The following PLXNB2 variants were observed in gnomAD, a reference collection of about 807,000 sequenced individuals.
The protein encoded by PLXNB2 is plexin B2.
A neutral mutation model predicts 202.6 loss-of-function variants in PLXNB2; 85 were observed. The ratio of observed to expected loss-of-function variants is 0.42; its 90% confidence interval spans 0.35 to 0.50. The LOEUF (loss-of-function observed/expected upper bound fraction) is 0.50. Among genes scored for constraint, PLXNB2 ranks in the 20% least tolerant of loss-of-function variants. The pLI, the probability that PLXNB2 is intolerant of heterozygous loss-of-function variation, is 0.02. For missense variants in PLXNB2, 2,063 were observed against 2,586.2 expected, an observed-to-expected ratio of 0.80 and a Z score of 4.39; for synonymous variants, 1,239 against 1,137.6, an observed-to-expected ratio of 1.09 and a Z score of -1.79.
intron 1 of PLXNB2, chr22:50,301,528 CT>C: frequency 2.5e-6 from 1 of 407,394 alleles, no homozygotes; most frequent in Non-Finnish European, 3.3e-6. Flanking sequence ...CACTTGGAGT[CT>C]CTCCTGAAAG....
Position 50,285,903 on chromosome 22 carries a change from TG to T in PLXNB2, c.1987-3del. On this transcript the variant is annotated splice_region_variant and splice_polypyrimidine_tract_variant and intron_variant, in intron 10 of 36. Transcript: ENST00000359337. ...CAGGAACTGGGGACAGCTGTCCTCCTGGGAGAGTAAGGCTGGTCAGGTGCTG... is the reference window on the plus strand; with the variant it reads ...CAGGAACTGGGGACAGCTGTCCTCCTGGAGAGTAAGGCTGGTCAGGTGCTG... 1.2e-6 allele frequency: 2 copies of T among 1,611,234 alleles called. No individual in the cohort carries two copies. Among genetic ancestry groups the T allele is most frequent in the Non-Finnish European group, 1.7e-6 (2 of 1,178,546 alleles).
intron 1 of PLXNB2, 77 bp from the exon 2 acceptor site, chr22:50,294,855 G>T: frequency 2.7e-6 from 2 of 744,458 alleles, no homozygotes; most frequent in Non-Finnish European, 3.3e-6. Flanking sequence ...GTCCCATGCT[G>T]GTGGGGCTTG....
Position 50,285,000 on chromosome 22 carries a change from C to T in PLXNB2, c.2089-335G>A. ...GCACTGGCCCCTCAATCTCCACACG[C>T]CTGCCTCCTCCACTGCCTCTCTTCA... On this transcript the variant is annotated intron_variant, in intron 11 of 36. Transcript: ENST00000359337. The surrounding 1 kb of genome is among the most constrained non-coding windows in gnomAD (Gnocchi z 8.0). 2 of 455,176 alleles carry T rather than the reference C, an allele frequency of 4.4e-6. No individual in the cohort carries two copies. Among genetic ancestry groups the T allele is most frequent in the Admixed American group, 5.4e-5 (2 of 37,224 alleles). 28.2% of individuals were successfully genotyped at this position (455,176 alleles called of 1,614,324 possible). A position where few individuals can be genotyped will look rare whatever the true frequency, so the allele number is the denominator to read the frequency against.
chr22:50,301,629 G>A (rs772962393), intron 1 of PLXNB2, among the ~76,000 whole-genome samples: 2 of 150,638 alleles, frequency 1.3e-5, no homozygotes, highest in South Asian at 2.1e-4. Flanking sequence ...GCTCAACCCC[G>A]CAGCAGCCGG....
intron 6 of PLXNB2, 32 bp from the exon 7 acceptor site, chr22:50,287,825 G>A: frequency 2.5e-6 from 4 of 1,595,678 alleles, no homozygotes; most frequent in Non-Finnish European, 3.4e-6. Context: ...TCAGCCCAGG[G>A]TGGAGTCTTG....
rs932240427 is a variant in PLXNB2, at chr22:50,297,148, C to T, written c.-73-2370G>A. 2.0e-5 allele frequency among the ~76,000 whole-genome samples: 3 copies of T among 152,182 alleles called. No homozygotes were observed. The highest frequency in any genetic ancestry group is 7.2e-5 in the African/African-American group (3 of 41,438). ...GGGGACTGGAGACTGCAGCTCCCGACGGAGGTGGCAGCCATGGCGGTGGCA... is the reference window on the plus strand; with the variant it reads ...GGGGACTGGAGACTGCAGCTCCCGATGGAGGTGGCAGCCATGGCGGTGGCA... On this transcript the variant is annotated intron_variant, in intron 1 of 36. Coordinates refer to ENST00000359337, the MANE Select transcript of PLXNB2 (RefSeq NM_012401.4). This position sits in a 1 kb window ranked among gnomAD's most constrained non-coding sequence, Gnocchi z 5.3.
At position 50,289,237 on chromosome 22, in the gene PLXNB2, C is replaced by T; in HGVS notation, c.1069-95G>A. 1.7e-6 allele frequency: 2 copies of T among 1,170,418 alleles called. No individual in the cohort carries two copies. Among genetic ancestry groups the T allele is most frequent in the South Asian group, 1.6e-5 (1 of 63,168 alleles). 72.5% of individuals were successfully genotyped at this position (1,170,418 alleles called of 1,614,324 possible). A position where few individuals can be genotyped will look rare whatever the true frequency, so the allele number is the denominator to read the frequency against. ...AGACTCGGGACAGGCCCTTCCCTTC[C>T]CTCCGGCACACGTCCTACACACGTC... On this transcript the variant is annotated intron_variant, in intron 3 of 36. Transcript: ENST00000359337. This position sits in a 1 kb window ranked among gnomAD's most constrained non-coding sequence, Gnocchi z 8.0.
At position 50,277,614 on chromosome 22, in the gene PLXNB2, G is replaced by A. The variant is rs1466941704; in HGVS notation, c.5173C>T (p.Arg1725Cys). Reference sequence around the variant, plus strand: ...ACGCGGCTCAGCTTATGCTCCGTGCGCGTGCAGGCATCCATGAAGGTCTGC... The same window carrying A: ...ACGCGGCTCAGCTTATGCTCCGTGCACGTGCAGGCATCCATGAAGGTCTGC... ...IAQTFMDACT[R>C]TEHKLSRDSP... The change falls in exon 33 of 37, where the codon CGC becomes TGC. Residue 1725 changes from arginine (R) to cysteine (C), a missense_variant. Arg to Cys is a radical substitution (Grantham distance 180, BLOSUM62 -3). Around this residue, in one of 2 missense-constraint regions of PLXNB2, gnomAD observed 760 missense variants for 1,109.4 expected, o/e 0.69. Coordinates refer to ENST00000359337, the MANE Select transcript of PLXNB2 (RefSeq NM_012401.4). 21 of 1,595,784 alleles carry A rather than the reference G, an allele frequency of 1.3e-5. No individual in the cohort carries two copies. The highest frequency in any genetic ancestry group is 1.5e-5 in the Non-Finnish European group (17 of 1,168,806).
rs1267280267 is a variant in PLXNB2, at chr22:50,280,834, C to T, written c.3903G>A (p.Lys1301=). 2.5e-6 allele frequency: 4 copies of T among 1,613,260 alleles called. No homozygotes were observed. Among genetic ancestry groups the T allele is most frequent in the Non-Finnish European group, 3.4e-6 (4 of 1,179,946 alleles). Residue 1301 remains lysine, a synonymous_variant, in exon 24 of 37, where the codon AAG becomes AAA. Transcript: ENST00000359337. ...DGDKDVMITG[K]LDIPEPRRPV... ...GCCGCCGCGGCTCAGGGATGTCCAG[C>T]TTGCCGGTGATCATCACGTCCTTGT...
chr22:50,303,696 AG>A (rs2147728046), intron 1 of PLXNB2, among the ~76,000 whole-genome samples: 1 of 152,342 alleles, frequency 6.6e-6, no homozygotes, highest in South Asian at 2.1e-4. Flanking sequence ...GTCTCCACAC[AG>A]GGCCCCCCAT....
At position 50,280,015 on chromosome 22, in the gene PLXNB2, T is replaced by G. The variant is rs2065877859; in HGVS notation, c.4232A>C (p.Gln1411Pro). The change falls in exon 26 of 37, where the codon CAG becomes CCG. Residue 1411 changes from glutamine (Q) to proline (P), a missense_variant. Gln to Pro is a moderately conservative substitution (Grantham distance 76, BLOSUM62 -1). This residue lies in a region of PLXNB2 where 760 missense variants were observed against 1,109.4 expected (regional missense o/e 0.69). Coordinates refer to ENST00000359337, the MANE Select transcript of PLXNB2 (RefSeq NM_012401.4). ...TGGGGTGGAACCCACCTTGAGGTAC[T>G]GGTACAGGCAGATGGACATCCAGTT... ...LSNWMSICLY[Q>P]YLKDSAGEPL... is the part of the protein sequence containing the mutation. The G allele has an allele frequency of 6.2e-7, 1 of 1,607,426 alleles. No individual in the cohort carries two copies. The highest frequency in any genetic ancestry group is 8.5e-7 in the Non-Finnish European group (1 of 1,176,974).
chr22:50,283,923 G>A lies in PLXNB2; in HGVS notation c.2331C>T (p.Tyr777=). Reference sequence around the variant, plus strand: ...TCTGGCCCCCGCACCACGCACACCTGTAGTCGGGGTTAGCGGCCCGGCACA... The same window carrying A: ...TCTGGCCCCCGCACCACGCACACCTATAGTCGGGGTTAGCGGCCCGGCACA... The part of the protein sequence containing the change: ...CSLCRAANPD[Y]RCAWCGGQSR... Residue 777 remains tyrosine, a synonymous_variant, in exon 14 of 37, where the codon TAC becomes TAT. Coordinates refer to ENST00000359337, the MANE Select transcript of PLXNB2 (RefSeq NM_012401.4). 1.3e-6 allele frequency: 2 copies of A among 1,572,940 alleles called. No homozygotes were observed. The highest frequency in any genetic ancestry group is 1.7e-6 in the Non-Finnish European group (2 of 1,160,466).
At chr22:50,293,632 A>G (rs1314595908) in intron 2 of PLXNB2, among the ~76,000 whole-genome samples, 2 of 152,230 alleles carry the variant, frequency 1.3e-5, no homozygotes, top group Non-Finnish European at 2.9e-5. Context: ...ATGCGGGGGC[A>G]GCGCGGGGGC....
chr22:50,289,524 T>C lies in PLXNB2; in HGVS notation c.1061A>G (p.His354Arg). The change falls in exon 3 of 37, where the codon CAC becomes CGC. Residue 354 changes from histidine (H) to arginine (R), a missense_variant. By Grantham distance (29) the His-to-Arg change is conservative. Transcript: ENST00000359337. This position sits in a 1 kb window ranked among gnomAD's most constrained non-coding sequence, Gnocchi z 8.0. ...ACACACTGAGGCCCATACCGGCGCG[T>C]GGCCGCCGCACTGGATATCGCCGTG... Reference protein sequence around the residue: ...PFHGDIQCGGHAPGSSKSFPC... With the variant: ...PFHGDIQCGGRAPGSSKSFPC... 1 of 1,608,806 alleles carries C rather than the reference T, an allele frequency of 6.2e-7. No individual in the cohort carries two copies. The highest frequency in any genetic ancestry group is 8.5e-7 in the Non-Finnish European group (1 of 1,177,764).
chr22:50,281,388 C>A lies in PLXNB2; in HGVS notation c.3634G>T (p.Val1212Phe). The change falls in exon 22 of 37, where the codon GTC becomes TTC. Residue 1212 changes from valine to phenylalanine, a missense_variant. This residue lies in a region of PLXNB2 where 760 missense variants were observed against 1,109.4 expected (regional missense o/e 0.69). Transcript: ENST00000359337. Reference sequence around the variant, plus strand: ...TAGCAGTAGACAGACACCGCGATGACGACCACCATGGGCACGATGACCAGC... The same window carrying A: ...TAGCAGTAGACAGACACCGCGATGAAGACCACCATGGGCACGATGACCAGC... Reference protein sequence around the residue: ...LPLVIVPMVVVIAVSVYCYWR... With the variant: ...LPLVIVPMVVFIAVSVYCYWR... 1 of 1,612,286 alleles carries A rather than the reference C, an allele frequency of 6.2e-7. No individual in the cohort carries two copies. The highest frequency in any genetic ancestry group is 8.5e-7 in the Non-Finnish European group (1 of 1,179,762).
chr22:50,303,272 C>A (rs980557656), intron 1 of PLXNB2, among the ~76,000 whole-genome samples: 1 of 152,244 alleles, frequency 6.6e-6, no homozygotes, highest in Non-Finnish European at 1.5e-5. Flanking sequence ...CCCACGCAGC[C>A]TGAGGCATAG....
In PLXNB2 at chr22:50,288,802, T is replaced by G. The variant is rs374592428; in HGVS notation, c.1321A>C (p.Lys441Gln). 1.9e-6 allele frequency: 3 copies of G among 1,613,104 alleles called. No homozygotes were observed. The highest frequency in any genetic ancestry group is 1.3e-5 in the African/African-American group (1 of 74,912). ...TCTCCAGACAGTACCAGGTCGCGCT[T>G]GACTCTCTTGTTTATCTCCACAAGG... ...SILVEINKRVKRDLVLSGDLG... is the reference protein window; with the variant it reads ...SILVEINKRVQRDLVLSGDLG... Residue 441 changes from lysine (K) to glutamine (Q), a missense_variant, in exon 5 of 37, where the codon AAG becomes CAG. Lys to Gln is a moderately conservative substitution (Grantham distance 53). This residue lies in a region of PLXNB2 where 1,303 missense variants were observed against 1,476.8 expected (regional missense o/e 0.88). Transcript: ENST00000359337. This position sits in a 1 kb window ranked among gnomAD's most constrained non-coding sequence, Gnocchi z 5.0.
In PLXNB2 at chr22:50,290,295, T is replaced by C; in HGVS notation, c.290A>G (p.Asn97Ser). The change falls in exon 3 of 37, where the codon AAC (asparagine) becomes AGC (serine). Residue 97 changes from asparagine to serine, a missense_variant. Physicochemically the swap from Asn to Ser is conservative, Grantham distance 46 (BLOSUM62 1). Coordinates refer to ENST00000359337, the MANE Select transcript of PLXNB2 (RefSeq NM_012401.4). ...CHEAEMTDNV[N>S]QLLLLDPPRK... ...GGGAGGGTCGAGCAGCAGCAGCTGG[T>C]TGACATTGTCAGTCATCTCAGCCTC... 1.9e-6 allele frequency: 3 copies of C among 1,611,964 alleles called. No homozygotes were observed. Among genetic ancestry groups the C allele is most frequent in the Non-Finnish European group, 2.5e-6 (3 of 1,180,006 alleles).
At position 50,284,021 on chromosome 22, in the gene PLXNB2, C is replaced by T; in HGVS notation, c.2264-31G>A. 6.6e-7 allele frequency: 1 copy of T among 1,526,676 alleles called. No homozygotes were observed. The highest frequency in any genetic ancestry group is 8.8e-7 in the Non-Finnish European group (1 of 1,140,612). 94.6% of individuals were successfully genotyped at this position (1,526,676 alleles called of 1,614,324 possible). On this transcript the variant is annotated intron_variant, in intron 13 of 36. Transcript: ENST00000359337. The surrounding 1 kb of genome is among the most constrained non-coding windows in gnomAD (Gnocchi z 8.0). ...GGGAGAGCTGCCGTCAGTGGTCACC[C>T]CGTGCCTGCCCGCCCCCGACCTGCT...
Sources: allele counts gnomAD v4.1 joint callset (sites outside exome capture counted in the v4.1 genomes callset), GRCh38; gene constraint gnomAD v4.1.1; regional missense constraint gnomAD v4.1.1; non-coding constraint Gnocchi (gnomAD v3.1); transcripts MANE v1.5; gene names NCBI Gene and HGNC (gene_info 2026-07-23, HGNC 2026-07-21).